CNGB3: variants seen among roughly 807,000 people sequenced by gnomAD.
The protein encoded by CNGB3 is cyclic nucleotide gated channel subunit beta 3.
Under a neutral mutation model 92.8 loss-of-function variants are expected in CNGB3, and 86 were observed. The ratio of observed to expected loss-of-function variants is 0.93; its 90% CI spans 0.78 to 1.11. CNGB3 has a LOEUF of 1.11. Among genes scored for constraint, CNGB3 ranks in the 50% least tolerant of loss-of-function variants. The pLI is 0.00. For missense variants in CNGB3, 1,026 were observed against 956.8 expected, an observed-to-expected ratio of 1.07 and a Z score of -0.95; for synonymous variants, 333 against 332.7, an observed-to-expected ratio of 1.00 and a Z score of -0.01.
chr8:86,647,340 G>A (rs1298931433), intron 8 of CNGB3, among the ~76,000 whole-genome samples: 1 of 150,880 alleles, frequency 6.6e-6, no homozygotes, highest in Non-Finnish European at 1.5e-5. Context: ...AAGCATGTCT[G>A]TGATGTAAAA....
At position 86,658,329 on chromosome 8, in the gene CNGB3, G is replaced by A. The variant is rs138504741; in HGVS notation, c.853-4267C>T. 124 of 480,838 alleles carry A rather than the reference G, an allele frequency of 2.6e-4. 1 individual carries two copies. In the Middle Eastern group the frequency reaches 4.8e-3, roughly 19 times the overall value. 29.8% of individuals were successfully genotyped at this position (480,838 alleles called of 1,614,324 possible). A position where few individuals can be genotyped will look rare whatever the true frequency, so the allele number is the denominator to read the frequency against. ...TTCCTCCGGGATGCTTGGCATGAGC[G>A]GAAGCGCCTCCTCCTCACTGTCCAG... is the stretch of plus-strand genomic sequence containing the variant. On this transcript the variant is annotated intron_variant, in intron 6 of 17. Coordinates refer to ENST00000320005, the MANE Select transcript of CNGB3 (RefSeq NM_019098.5).
intron 2 of CNGB3, among the ~76,000 whole-genome samples, chr8:86,735,042 G>GTTTTTTTTTTTT (rs60107723): frequency 2.3e-5 from 2 of 85,886 alleles, no homozygotes; most frequent in Non-Finnish European, 4.2e-5. Context: ...AATGCCGGTG[G>GTTTTTTTTTTTT]TTTTTTTTTT....
chr8:86,589,248 G>T (rs1242825075), intron 15 of CNGB3, among the ~76,000 whole-genome samples: 2 of 150,234 alleles, frequency 1.3e-5, no homozygotes, highest in African/African-American at 2.5e-5. Context: ...TATTAGTCTT[G>T]CTAGCGGTCT....
intron 13 of CNGB3, among the ~76,000 whole-genome samples, chr8:86,615,294 C>T (rs9643342): frequency 0.59 from 90,024 of 152,060 alleles, 28,734 homozygotes; most frequent in Admixed American, 0.73. Flanking sequence ...ATTGGAATAT[C>T]ACAAAGTAGT....
chr8:86,578,193 G>A (rs1055866756), intron 17 of CNGB3, among the ~76,000 whole-genome samples: 1 of 152,168 alleles, frequency 6.6e-6, no homozygotes, highest in African/African-American at 2.4e-5. Context: ...ACAGGTGTGA[G>A]CCACCGCACC....
intron 15 of CNGB3, among the ~76,000 whole-genome samples, chr8:86,600,828 C>T (rs1822283389): frequency 9.1e-6 from 1 of 109,812 alleles, no homozygotes; most frequent in Admixed American, 1.3e-4. Context: ...GATGGGGTTT[C>T]ACAGTGTTAG....
Position 86,575,970 on chromosome 8 carries a change from T to C in CNGB3, c.2264A>G (p.Glu755Gly), listed in dbSNP as rs3735972. 0.089 allele frequency: 143,302 copies of C among 1,613,852 alleles called. 6,663 individuals carry two copies. The highest frequency in any genetic ancestry group is 0.11 in the East Asian group (5,024 of 44,872). ...EPEEKPLDRP[E>G]CTASPIAVEE... ...CACTGCAATAGGACTTGCTGTACAT[T>C]CAGGTCTGTCCAGTGGCTTCTCTTC... is the stretch of plus-strand genomic sequence containing the variant. Residue 755 changes from glutamate to glycine, a missense_variant, in exon 18 of 18, where the codon GAA (glutamate) becomes GGA (glycine). Coordinates refer to ENST00000320005, the MANE Select transcript of CNGB3 (RefSeq NM_019098.5).
At chr8:86,608,580 C>T (rs1822456508) in intron 14 of CNGB3, among the ~76,000 whole-genome samples, 1 of 152,250 alleles carries the variant, frequency 6.6e-6, no homozygotes, top group African/African-American at 2.4e-5. Context: ...CCCTGTGATG[C>T]TGTGCTTCAG....
In CNGB3 at chr8:86,706,419, G is replaced by T. The variant is rs192704161; in HGVS notation, c.338+20112C>A. ...ATACCCTCTGCTTCTAATTTTAAAA[G>T]CATGTGAGTAAATGCATCGCTCATT... On this transcript the variant is annotated intron_variant, in intron 3 of 17. Transcript: ENST00000320005. Among the ~76,000 whole-genome samples the T allele has an allele frequency of 1.9e-3, 286 of 152,318 alleles. 3 individuals carry two copies. The highest frequency in any genetic ancestry group is 8.5e-3 in the Admixed American group (130 of 15,294).
At chr8:86,741,371 A>G (rs1463064597) in intron 1 of CNGB3, among the ~76,000 whole-genome samples, 4 of 152,202 alleles carry the variant, frequency 2.6e-5, no homozygotes. Context: ...ATGACTTTTA[A>G]GATATAATGT....
rs112505110 is a variant in CNGB3 at position 86,660,409 on chromosome 8, G to A, written c.853-6347C>T. The stretch of plus-strand genomic sequence containing the variant: ...ACTGATCCAGAGGAGAGTTAACCAG[G>A]GCCACACTAGAACTCAGAATAGGGT... On this transcript the variant is annotated intron_variant, in intron 6 of 17. Coordinates refer to ENST00000320005, the MANE Select transcript of CNGB3 (RefSeq NM_019098.5). 2,376 of 464,112 alleles carry A rather than the reference G, an allele frequency of 5.1e-3. 27 individuals are homozygous for A. The highest frequency in any genetic ancestry group is 0.032 in the African/African-American group (1,596 of 50,078). 28.7% of individuals were successfully genotyped at this position (464,112 alleles called of 1,614,324 possible). A position where few individuals can be genotyped will look rare whatever the true frequency, so the allele number is the denominator to read the frequency against.
At chr8:86,597,742 G>T (rs1822203503) in intron 15 of CNGB3, among the ~76,000 whole-genome samples, 1 of 152,122 alleles carries the variant, frequency 6.6e-6, no homozygotes, top group Admixed American at 6.6e-5. Context: ...CACTCTGGGA[G>T]GCCGAGGCAG....
chr8:86,696,255 A>C (rs965187148), intron 3 of CNGB3, among the ~76,000 whole-genome samples: 1 of 152,042 alleles, frequency 6.6e-6, no homozygotes, highest in African/African-American at 2.4e-5. Flanking sequence ...GAGTTGCTGT[A>C]ATGGCTTGAG....
chr8:86,625,807 C>T lies in CNGB3; in HGVS notation c.1578+176G>A, dbSNP rs541764002. 3.3e-5 allele frequency among the ~76,000 whole-genome samples: 5 copies of T among 151,824 alleles called. 1 individual carries two copies. In the South Asian group the frequency reaches 8.3e-4, roughly 25 times the overall value. ...AGAAAGAGGGTTCTAAAGAATAAGC[C>T]GTTGGCTGAAGAGAGACCTGTAATT... On this transcript the variant is annotated intron_variant, in intron 13 of 17. Coordinates refer to ENST00000320005, the MANE Select transcript of CNGB3 (RefSeq NM_019098.5).
At position 86,691,305 on chromosome 8, in the gene CNGB3, C is replaced by T. The variant is rs1462436586; in HGVS notation, c.339-20207G>A. Among the ~76,000 whole-genome samples, 4 of 152,192 alleles carry T rather than the reference C, an allele frequency of 2.6e-5. No homozygotes were observed. In the East Asian group the frequency reaches 7.7e-4, roughly 29 times the overall value. ...GTTTAGGGTTTTCTAGGTATACAATCATATCATTGGTAAACAGCAACATTG... is the reference window on the plus strand; with the variant it reads ...GTTTAGGGTTTTCTAGGTATACAATTATATCATTGGTAAACAGCAACATTG... On this transcript the variant is annotated intron_variant, in intron 3 of 17. Coordinates refer to ENST00000320005, the MANE Select transcript of CNGB3 (RefSeq NM_019098.5).
chr8:86,625,926 GA>G (rs2131580238), intron 13 of CNGB3, 56 bp downstream of exon 13: 1 of 1,369,534 alleles, frequency 7.3e-7, no homozygotes, highest in African/African-American at 1.4e-5. Context: ...TATAAATCAA[GA>G]GCTTAGATTC....
intron 3 of CNGB3, among the ~76,000 whole-genome samples, chr8:86,708,726 C>G (rs934915338): frequency 6.6e-6 from 1 of 151,760 alleles, no homozygotes; most frequent in East Asian, 1.9e-4. Flanking sequence ...TGCCACCATG[C>G]CTGAAGAATT....
chr8:86,666,577 A>G (rs115378058), intron 6 of CNGB3, among the ~76,000 whole-genome samples: 450 of 152,298 alleles, frequency 3.0e-3, no homozygotes, highest in African/African-American at 0.01. Context: ...AACTAGAACA[A>G]TAATGCTAGC....
intron 3 of CNGB3, among the ~76,000 whole-genome samples, chr8:86,705,678 G>A (rs1203257161): frequency 2.0e-5 from 3 of 152,162 alleles, no homozygotes; most frequent in African/African-American, 7.2e-5. Context: ...GAGCGCTGGG[G>A]GTTCAGAGAG....
Sources: gnomAD v4.1 joint callset for allele counts (sites outside exome capture counted in the v4.1 genomes callset) on GRCh38, gnomAD v4.1.1 for gene constraint, MANE v1.5 for transcripts, NCBI Gene and HGNC (gene_info 2026-07-23, HGNC 2026-07-21) for gene names.